Variants in MAP3K4 observed in about 807,000 individuals in gnomAD.
MAP3K4 encodes mitogen-activated protein kinase kinase kinase 4, also known as MAP three kinase 1.
A neutral mutation model predicts 185.6 loss-of-function variants in MAP3K4; 67 were observed. The ratio of observed to expected loss-of-function variants is 0.36; its 90% CI spans 0.30 to 0.44. The LOEUF (loss-of-function observed/expected upper bound fraction) is 0.44. Ranked by LOEUF, MAP3K4 falls within the 20% of genes least tolerant of loss-of-function variation. The pLI is 1.00. For missense variants in MAP3K4, 1,551 were observed against 1,995.1 expected, an observed-to-expected ratio of 0.78 and a Z score of 4.24; for synonymous variants, 702 against 710.4, an observed-to-expected ratio of 0.99 and a Z score of 0.19.
chr6:161,109,627 G>A lies in MAP3K4; in HGVS notation c.4237-128G>A, dbSNP rs1381490592. On this transcript the variant is annotated intron_variant, in intron 22 of 26. Coordinates refer to ENST00000392142, the MANE Select transcript of MAP3K4 (RefSeq NM_005922.4). This position sits in a 1 kb window ranked among gnomAD's most constrained non-coding sequence, Gnocchi z 5.7. ...GTGAGACACATTCAGTGCTCAGGAT[G>A]GCAAGTGTAGTATACCGTTAGAAAG... 1.1e-6 allele frequency: 1 copy of A among 893,964 alleles called. No individual in the cohort carries two copies. Among genetic ancestry groups the A allele is most frequent in the Admixed American group, 2.3e-5 (1 of 43,846 alleles). The allele number at this position is 893,964 out of a possible 1,614,324, so 55.4% of individuals were successfully genotyped here. A position where few individuals can be genotyped will look rare whatever the true frequency, so the allele number is the denominator to read the frequency against.
chr6:161,041,259 A>G (rs1388718433), intron 2 of MAP3K4, among the ~76,000 whole-genome samples: 1 of 152,228 alleles, frequency 6.6e-6, no homozygotes, highest in Non-Finnish European at 1.5e-5. Context: ...CGGCAAATCC[A>G]TGAATGCTGA....
chr6:161,029,683 T>C (rs2115149115), intron 1 of MAP3K4, among the ~76,000 whole-genome samples: 1 of 152,334 alleles, frequency 6.6e-6, no homozygotes, highest in Non-Finnish European at 1.5e-5. Context: ...ATCATTGGTA[T>C]ACATGTAAAC....
In MAP3K4 at chr6:161,063,248, A is replaced by G. The variant is rs1160322928; in HGVS notation, c.1708-7360A>G. On this transcript the variant is annotated intron_variant, in intron 3 of 26. Coordinates refer to ENST00000392142, the MANE Select transcript of MAP3K4 (RefSeq NM_005922.4). The surrounding 1 kb of genome is among the most constrained non-coding windows in gnomAD (Gnocchi z 5.4). ...TTTTTGTCATTATTTTATATTTTTT[A>G]TGATTTTCTTAATTTCTTTTAGTTT... is the stretch of plus-strand genomic sequence containing the variant. Among the ~76,000 whole-genome samples the G allele has an allele frequency of 6.6e-6, 1 of 151,580 alleles. No individual in the cohort carries two copies. The highest frequency in any genetic ancestry group is 1.5e-5 in the Non-Finnish European group (1 of 67,904).
At position 161,110,441 on chromosome 6, in the gene MAP3K4, G is replaced by C. The variant is rs925697570; in HGVS notation, c.4396+527G>C. Among the ~76,000 whole-genome samples the C allele has an allele frequency of 6.6e-6, 1 of 152,192 alleles. No individual in the cohort carries two copies. Among genetic ancestry groups the C allele is most frequent in the African/African-American group, 2.4e-5 (1 of 41,446 alleles). On this transcript the variant is annotated intron_variant, in intron 23 of 26. Transcript: ENST00000392142. The surrounding 1 kb of genome is among the most constrained non-coding windows in gnomAD (Gnocchi z 4.8). The stretch of plus-strand genomic sequence containing the variant: ...ATTAAAAGTGCTCTTCTCATAGCAC[G>C]AGGGGAATAGCTGGGCTTCTGTCTC...
Position 161,087,599 on chromosome 6 carries a change from A to T in MAP3K4, c.2557-89A>T. ...GCCCTTCCCACTTTCCCTTTCCCAAACCTGCCTCTCCTTTCCTAGGTTTGT... is the reference window on the plus strand; with the variant it reads ...GCCCTTCCCACTTTCCCTTTCCCAATCCTGCCTCTCCTTTCCTAGGTTTGT... On this transcript the variant is annotated intron_variant, in intron 9 of 26. Transcript: ENST00000392142. The surrounding 1 kb of genome is among the most constrained non-coding windows in gnomAD (Gnocchi z 4.9). 1 of 1,417,930 alleles carries T rather than the reference A, an allele frequency of 7.1e-7. No homozygotes were observed. The highest frequency in any genetic ancestry group is 2.3e-5 in the East Asian group (1 of 43,844). The allele number at this position is 1,417,930 out of a possible 1,614,324, so 87.8% of individuals were successfully genotyped here.
At chr6:161,052,453 T>TAA (rs1346254261) in intron 3 of MAP3K4, among the ~76,000 whole-genome samples, 6 of 152,326 alleles carry the variant, frequency 3.9e-5, no homozygotes, top group Middle Eastern at 6.8e-3. Context: ...ATAAGGTATA[T>TAA]AACTGAAAGA....
chr6:161,048,483 T>C lies in MAP3K4; in HGVS notation c.344-133T>C, dbSNP rs1783843965. 4.9e-6 allele frequency: 3 copies of C among 609,626 alleles called. No individual in the cohort carries two copies. Among genetic ancestry groups the C allele is most frequent in the Non-Finnish European group, 5.6e-6 (2 of 359,946 alleles). 37.8% of individuals were successfully genotyped at this position (609,626 alleles called of 1,614,324 possible). On this transcript the variant is annotated intron_variant, in intron 2 of 26. Transcript: ENST00000392142. This position sits in a 1 kb window ranked among gnomAD's most constrained non-coding sequence, Gnocchi z 4.7. Reference sequence around the variant, plus strand: ...TTTGATTCCTTTAATTTTTAGGATATGGTATGCTTTTTTTTCTTCCATTAG... The same window carrying C: ...TTTGATTCCTTTAATTTTTAGGATACGGTATGCTTTTTTTTCTTCCATTAG...
chr6:161,049,997 A>G lies in MAP3K4; in HGVS notation c.1707+18A>G, dbSNP rs1783929217. On this transcript the variant is annotated intron_variant, in intron 3 of 26. Transcript: ENST00000392142. The surrounding 1 kb of genome is among the most constrained non-coding windows in gnomAD (Gnocchi z 8.4). ...CAGTGGAGGTAGGTTTCCAGTAGGT[A>G]TTAATACAATGATATCCTTAGTTCC... 1.9e-6 allele frequency: 3 copies of G among 1,569,478 alleles called. No individual in the cohort carries two copies. The highest frequency in any genetic ancestry group is 2.7e-5 in the African/African-American group (2 of 73,316).
chr6:161,020,675 CAAGA>C (rs112895648), intron 1 of MAP3K4, among the ~76,000 whole-genome samples: 2 of 137,670 alleles, frequency 1.5e-5, no homozygotes, highest in African/African-American at 2.7e-5. Flanking sequence ...AAAAAAAAAA[CAAGA>C]AAGAGAAAAA....
intron 2 of MAP3K4, among the ~76,000 whole-genome samples, chr6:161,041,449 A>G (rs1016004352): frequency 6.6e-6 from 1 of 152,172 alleles, no homozygotes; most frequent in Non-Finnish European, 1.5e-5. Context: ...CAAGGAAGTG[A>G]ACCCCTGAGA....
At position 161,077,719 on chromosome 6, in the gene MAP3K4, G is replaced by GTGA. The variant is rs1205358971; in HGVS notation, c.2098-3161_2098-3159dup. 6.6e-6 allele frequency among the ~76,000 whole-genome samples: 1 copy of GTGA among 152,226 alleles called. No homozygotes were observed. Among genetic ancestry groups the GTGA allele is most frequent in the Non-Finnish European group, 1.5e-5 (1 of 68,046 alleles). ...ATGGCAGGACTCGGGTGGATCAAAT[G>GTGA]TGAACAAGGTGTTGGGAGTGACTGT... On this transcript the variant is annotated intron_variant, in intron 5 of 26. Coordinates refer to ENST00000392142, the MANE Select transcript of MAP3K4 (RefSeq NM_005922.4). This position sits in a 1 kb window ranked among gnomAD's most constrained non-coding sequence, Gnocchi z 4.3.
chr6:161,021,605 C>G (rs1782392650), intron 1 of MAP3K4, among the ~76,000 whole-genome samples: 1 of 152,186 alleles, frequency 6.6e-6, no homozygotes, highest in Non-Finnish European at 1.5e-5. Context: ...GGGCTTTGTC[C>G]CAGCACTTTG....
At position 161,098,316 on chromosome 6, in the gene MAP3K4, G is replaced by T. The variant is rs1437483449; in HGVS notation, c.3563G>T (p.Ser1188Ile). 6.4e-7 allele frequency: 1 copy of T among 1,552,070 alleles called. No homozygotes were observed. The highest frequency in any genetic ancestry group is 8.6e-7 in the Non-Finnish European group (1 of 1,158,462). The change falls in exon 17 of 27, where the codon AGC becomes ATC. Residue 1188 changes from serine (S) to isoleucine (I), a missense_variant. Ser to Ile is a moderately radical substitution (Grantham distance 142, BLOSUM62 -2). Around this residue, in one of 16 missense-constraint regions of MAP3K4, gnomAD observed 272 missense variants for 301.2 expected, o/e 0.90. Transcript: ENST00000392142. This position sits in a 1 kb window ranked among gnomAD's most constrained non-coding sequence, Gnocchi z 4.4. Reference protein sequence around the residue: ...SMPSDARSHGSPAAAAAAAAA... With the variant: ...SMPSDARSHGIPAAAAAAAAA... ...CCTTCCGACGCGCGGAGCCATGGCA[G>T]CCCTGCTGCTGCTGCTGCTGCTGCT...
At chr6:161,090,842 G>C (rs1234121084) in intron 11 of MAP3K4, among the ~76,000 whole-genome samples, 2 of 152,192 alleles carry the variant, frequency 1.3e-5, no homozygotes, top group African/African-American at 4.8e-5. Flanking sequence ...CAGCATCCCT[G>C]GCCTCTACTC....
At chr6:161,065,958 G>T (rs1309603686) in intron 3 of MAP3K4, among the ~76,000 whole-genome samples, 2 of 128,358 alleles carry the variant, frequency 1.6e-5, no homozygotes. Context: ...AAAAAAAAAA[G>T]AATATTTGCA....
chr6:161,070,237 T>TC lies in MAP3K4; in HGVS notation c.1708-368dup, dbSNP rs3839448. 6.6e-6 allele frequency among the ~76,000 whole-genome samples: 1 copy of TC among 152,166 alleles called. No homozygotes were observed. The highest frequency in any genetic ancestry group is 2.4e-5 in the African/African-American group (1 of 41,424). On this transcript the variant is annotated intron_variant, in intron 3 of 26. Transcript: ENST00000392142. This position sits in a 1 kb window ranked among gnomAD's most constrained non-coding sequence, Gnocchi z 4.5. ...AATTTCAGTAATTCTCTGGTTTTTT[T>TC]CCCAGTCTAGAGATAGTTGTCGATA...
At chr6:161,078,136 C>T (rs982259702) in intron 5 of MAP3K4, among the ~76,000 whole-genome samples, 18 of 152,160 alleles carry the variant, frequency 1.2e-4, no homozygotes, top group African/African-American at 4.3e-4. Flanking sequence ...TGGGTATTGG[C>T]AGTTGGAGGA....
At chr6:161,055,611 G>A (rs1450252634) in intron 3 of MAP3K4, among the ~76,000 whole-genome samples, 1 of 152,086 alleles carries the variant, frequency 6.6e-6, no homozygotes, top group African/African-American at 2.4e-5. Context: ...TCCCTTTTCT[G>A]TTCTAGGAAC....
At chr6:161,042,967 T>G (rs1783556860) in intron 2 of MAP3K4, among the ~76,000 whole-genome samples, 1 of 151,664 alleles carries the variant, frequency 6.6e-6, no homozygotes, top group South Asian at 2.1e-4. Context: ...TATCTCAAGG[T>G]GTGTGTGTGT....
Sources: gnomAD v4.1 joint callset for allele counts (sites outside exome capture counted in the v4.1 genomes callset) on GRCh38, gnomAD v4.1.1 for gene constraint, gnomAD v4.1.1 regional missense constraint, Gnocchi (gnomAD v3.1) non-coding constraint, MANE v1.5 for transcripts, NCBI Gene and HGNC (gene_info 2026-07-23, HGNC 2026-07-21) for gene names.